LHX8: variants seen among roughly 807,000 people sequenced by gnomAD.
The protein encoded by LHX8 is LIM/homeobox protein Lhx8.
LHX8 carries 12 observed loss-of-function variants against 40.3 expected under a neutral mutation model. The observed-to-expected ratio is 0.30, with a 90% CI of 0.19 to 0.48. The LOEUF (loss-of-function observed/expected upper bound fraction) is 0.48. LHX8 is among the 20% of genes least tolerant of loss of function. The pLI is 0.99. For missense variants in LHX8, 344 were observed against 433.7 expected (o/e 0.79, Z 1.84); for synonymous variants, 179 against 162.0 (o/e 1.10, Z -0.80).
intron 4 of LHX8, 84 bp from the exon 5 acceptor site, chr1:75,143,034 G>T (rs920661198): frequency 3.0e-6 from 3 of 1,015,736 alleles, no homozygotes; most frequent in Non-Finnish European, 4.6e-6. Context: ...AATGGGGTAA[G>T]ATAATGTGCT....
chr1:75,131,715 C>T (rs1251866226), upstream of LHX8: 1 of 152,272 alleles, frequency 6.6e-6, no homozygotes, highest in Non-Finnish European at 1.5e-5. Flanking sequence ...ATCTAGACCC[C>T]TTCCCTGCCC....
intron 6 of LHX8, 24 bp downstream of exon 6, chr1:75,143,972 A>T: frequency 6.3e-7 from 1 of 1,590,502 alleles, no homozygotes; most frequent in Non-Finnish European, 8.6e-7. Flanking sequence ...TGAATTTTTT[A>T]TTTTTGAAGC....
the LHX8 span, among the ~76,000 whole-genome samples, chr1:75,171,535 GT>G: frequency 3.9e-5 from 6 of 152,026 alleles, no homozygotes; most frequent in African/African-American, 1.4e-4. Context: ...GTTGCAGGAG[GT>G]TGTTCTCACA....
chr1:75,175,850 T>G, the LHX8 span, among the ~76,000 whole-genome samples: 2 of 151,994 alleles, frequency 1.3e-5, no homozygotes, highest in East Asian at 3.9e-4. Flanking sequence ...AGGCCTGGTG[T>G]GTGATGTTCC....
At chr1:75,133,945 C>G (rs1296976978), upstream of LHX8, among the ~76,000 whole-genome samples, 1 of 152,086 alleles carries the variant, frequency 6.6e-6, no homozygotes, top group Non-Finnish European at 1.5e-5. Context: ...AAGTCAGCTC[C>G]CAGGCTGCCA....
rs531342921 is a variant in LHX8, at chr1:75,144,632, A to T, written c.684+684A>T. On this transcript the variant is annotated intron_variant, in intron 6 of 8. Transcript: ENST00000356261. ...ATTTATACAAATTATCAAAATAATT[A>T]AATTACTCTTTGCTTTATAAACCTA... Among the ~76,000 whole-genome samples, 15 of 152,294 alleles carry T rather than the reference A, an allele frequency of 9.8e-5. No homozygotes were observed. The South Asian group carries it at 1.4e-3, about 15-fold the overall frequency.
intron 7 of LHX8, among the ~76,000 whole-genome samples, chr1:75,156,485 G>T (rs1648771673): frequency 1.3e-5 from 2 of 152,006 alleles, no homozygotes; most frequent in South Asian, 4.1e-4. Flanking sequence ...CAGGTGATCT[G>T]CCTGCCTCAG....
At chr1:75,192,442 T>C in the LHX8 span, among the ~76,000 whole-genome samples, 1 of 152,306 alleles carries the variant, frequency 6.6e-6, no homozygotes, top group African/African-American at 2.4e-5. Flanking sequence ...TTTATCAGAA[T>C]AACAGTGAAG....
chr1:75,179,323 C>A, the LHX8 span, among the ~76,000 whole-genome samples: 1 of 152,064 alleles, frequency 6.6e-6, no homozygotes, highest in African/African-American at 2.4e-5. Context: ...CTTTTTAGGT[C>A]TCTAAGGACT....
chr1:75,130,656 T>C, upstream of LHX8: 1 of 1,470,940 alleles, frequency 6.8e-7, no homozygotes, highest in Non-Finnish European at 9.5e-7. Context: ...TAAAACGGAG[T>C]CTGGGACCGG....
chr1:75,157,327 T>C (rs1648798460), intron 8 of LHX8, among the ~76,000 whole-genome samples: 1 of 152,244 alleles, frequency 6.6e-6, no homozygotes, highest in Non-Finnish European at 1.5e-5. Context: ...GCTTGATCTT[T>C]ACTTAGAAAT....
the LHX8 span, among the ~76,000 whole-genome samples, chr1:75,182,828 A>G: frequency 7.4e-4 from 112 of 152,280 alleles, no homozygotes; most frequent in African/African-American, 2.6e-3. Flanking sequence ...TTTTGGTTCC[A>G]TATGAATTTT....
chr1:75,160,961 T>C lies in LHX8; in HGVS notation c.*66T>C, dbSNP rs868066837. Reference sequence around the variant, plus strand: ...GTCATTTATTATGTATAAAATACCATTGAAAAGATATTACTGTTAATTTTT... The same window carrying C: ...GTCATTTATTATGTATAAAATACCACTGAAAAGATATTACTGTTAATTTTT... On this transcript the variant is annotated 3_prime_UTR_variant, in exon 9 of 9. Transcript: ENST00000356261. The C allele has an allele frequency of 1.7e-5, 20 of 1,184,934 alleles. 2 individuals are homozygous for C. In the Middle Eastern group the frequency reaches 3.5e-3, roughly 205 times the overall value. 73.4% of individuals were successfully genotyped at this position (1,184,934 alleles called of 1,614,324 possible).
chr1:75,174,938 A>G, the LHX8 span, among the ~76,000 whole-genome samples: 2 of 152,090 alleles, frequency 1.3e-5, no homozygotes, highest in African/African-American at 2.4e-5. Context: ...ACTGTACCCA[A>G]TGTGTGGTTT....
chr1:75,153,077 T>A (rs1014300209), intron 7 of LHX8, among the ~76,000 whole-genome samples: 1 of 152,056 alleles, frequency 6.6e-6, no homozygotes, highest in Non-Finnish European at 1.5e-5. Flanking sequence ...AATCTCCCAG[T>A]CTTTTGATAG....
At chr1:75,170,833 A>G in the LHX8 span, among the ~76,000 whole-genome samples, 1 of 152,164 alleles carries the variant, frequency 6.6e-6, no homozygotes, top group African/African-American at 2.4e-5. Context: ...AATTCACACC[A>G]TATTTGCTCT....
At chr1:75,132,285 TC>T (rs1196988458), upstream of LHX8, 1 of 151,904 alleles carries the variant, frequency 6.6e-6, no homozygotes, top group African/African-American at 2.4e-5. Context: ...GCAAACACAT[TC>T]CCCTCTTCTT....
rs1475176747 is a variant in LHX8, at chr1:75,147,058, T to A, written c.685-1529T>A. 3.3e-5 allele frequency among the ~76,000 whole-genome samples: 5 copies of A among 152,278 alleles called. No homozygotes were observed. The East Asian group carries it at 7.7e-4, about 24-fold the overall frequency. The stretch of plus-strand genomic sequence containing the variant: ...ACTGCATAGAAACATAACTCTATTT[T>A]CACAGGAAGATACCAAAGTAACACA... On this transcript the variant is annotated intron_variant, in intron 6 of 8. Transcript: ENST00000356261.
chr1:75,189,811 C>G, the LHX8 span, among the ~76,000 whole-genome samples: 1 of 152,202 alleles, frequency 6.6e-6, no homozygotes, highest in African/African-American at 2.4e-5. Context: ...ACTGTAATCT[C>G]TATGAGGGCA....
Sources: allele counts gnomAD v4.1 joint callset (sites outside exome capture counted in the v4.1 genomes callset), GRCh38; gene constraint gnomAD v4.1.1; transcripts MANE v1.5; gene names NCBI Gene and HGNC (gene_info 2026-07-23, HGNC 2026-07-21).